The following ABCC11 variants were observed in gnomAD, a reference collection of about 807,000 sequenced individuals.
ABCC11 encodes ATP-binding cassette sub-family C member 11.
Under a neutral mutation model 149.3 loss-of-function variants are expected in ABCC11, and 135 were observed. The ratio of observed to expected loss-of-function variants is 0.90; its 90% CI spans 0.79 to 1.04. The LOEUF (loss-of-function observed/expected upper bound fraction) is 1.04. Among genes scored for constraint, ABCC11 ranks in the 50% least tolerant of loss-of-function variants. The pLI is 0.00. For missense variants in ABCC11, 1,680 were observed against 1,722.1 expected (o/e 0.98, Z 0.43); for synonymous variants, 665 against 671.4 (o/e 0.99, Z 0.15).
At chr16:48,241,852 C>T (rs1314532444) in intron 1 of ABCC11, among the ~76,000 whole-genome samples, 1 of 152,120 alleles carries the variant, frequency 6.6e-6, no homozygotes. Context: ...ATGTAGAAAG[C>T]TGAAACTGGA....
chr16:48,181,267 CAG>C (rs368570163), intron 23 of ABCC11, among the ~76,000 whole-genome samples: 7 of 150,760 alleles, frequency 4.6e-5, no homozygotes, highest in African/African-American at 4.9e-5. Context: ...GTATGTGTAT[CAG>C]AGAGAGAGAG....
intron 12 of ABCC11, among the ~76,000 whole-genome samples, chr16:48,205,833 C>T (rs1489271791): frequency 7.1e-6 from 1 of 140,122 alleles, no homozygotes; most frequent in Non-Finnish European, 1.5e-5. Context: ...TTTTTTGAGA[C>T]GGAGTCTCGC....
intron 17 of ABCC11, among the ~76,000 whole-genome samples, chr16:48,196,610 G>A (rs770313291): frequency 2.6e-5 from 4 of 152,186 alleles, no homozygotes; most frequent in Non-Finnish European, 5.9e-5. Context: ...AAAACCACCT[G>A]GGACCAGAAA....
chr16:48,246,278 A>G (rs1283106740), intron 1 of ABCC11, among the ~76,000 whole-genome samples: 1 of 152,206 alleles, frequency 6.6e-6, no homozygotes, highest in African/African-American at 2.4e-5. Context: ...AATTGGTCAC[A>G]TTCCAAGTTT....
chr16:48,220,939 A>T (rs1969694321), intron 6 of ABCC11, among the ~76,000 whole-genome samples: 1 of 152,212 alleles, frequency 6.6e-6, no homozygotes, highest in Non-Finnish European at 1.5e-5. Flanking sequence ...GTGCAAAAAG[A>T]ACTGCAAATG....
At chr16:48,228,449 C>T (rs546162550) in intron 3 of ABCC11, among the ~76,000 whole-genome samples, 19 of 152,072 alleles carry the variant, frequency 1.2e-4, no homozygotes, top group African/African-American at 4.6e-4. Context: ...CAAAAATTAG[C>T]TTGGTGTGGT....
At chr16:48,167,715 G>C in intron 28 of ABCC11, 55 bp from the exon 29 acceptor site, 1 of 1,584,604 alleles carries the variant, frequency 6.3e-7, no homozygotes. Context: ...AGAGACCTGG[G>C]TCTAGCCCTG....
chr16:48,244,023 T>TAAATAAA (rs1971172851), intron 1 of ABCC11, among the ~76,000 whole-genome samples: 1 of 131,944 alleles, frequency 7.6e-6, no homozygotes, highest in African/African-American at 3.1e-5. Context: ...AAATAAATAA[T>TAAATAAA]TAGTTCGAAT....
At chr16:48,193,730 C>T (rs1485494114) in intron 19 of ABCC11, 149 bp downstream of exon 19, 1 of 616,302 alleles carries the variant, frequency 1.6e-6, no homozygotes, top group Non-Finnish European at 2.7e-6. Context: ...AGAGTCCTGG[C>T]TCCCCACGGT....
At chr16:48,230,254 T>G (rs1160671977) in intron 3 of ABCC11, among the ~76,000 whole-genome samples, 183 bp downstream of exon 3, 1 of 152,218 alleles carries the variant, frequency 6.6e-6, no homozygotes, top group Admixed American at 6.5e-5. Context: ...CCTTTCTGTA[T>G]GAATAAATAA....
At chr16:48,231,522 G>A (rs1165684343) in intron 2 of ABCC11, among the ~76,000 whole-genome samples, 1 of 151,908 alleles carries the variant, frequency 6.6e-6, no homozygotes, top group Middle Eastern at 3.2e-3. Flanking sequence ...AATTAGCTGG[G>A]CGTAGTGGTA....
At chr16:48,181,642 G>A (rs1055792924) in intron 23 of ABCC11, among the ~76,000 whole-genome samples, 3 of 148,406 alleles carry the variant, frequency 2.0e-5, no homozygotes, top group Non-Finnish European at 4.4e-5. Flanking sequence ...ATGGAGTCTC[G>A]CTCTGTCACC....
At chr16:48,174,965 T>C (rs1376943389) in intron 26 of ABCC11, among the ~76,000 whole-genome samples, 1 of 152,186 alleles carries the variant, frequency 6.6e-6, no homozygotes, top group Admixed American at 6.5e-5. Flanking sequence ...GCCTCCCAAA[T>C]AGCTCGGACT....
At chr16:48,231,750 C>T (rs914589287) in intron 2 of ABCC11, 73 bp downstream of exon 2, 42 of 1,540,204 alleles carry the variant, frequency 2.7e-5, no homozygotes, top group African/African-American at 1.7e-4. Flanking sequence ...AATTGTTTGA[C>T]GTAATTTATG....
At chr16:48,193,708 CA>C (rs1967124085) in intron 19 of ABCC11, among the ~76,000 whole-genome samples, 170 bp downstream of exon 19, 1 of 152,208 alleles carries the variant, frequency 6.6e-6, no homozygotes, top group South Asian at 2.1e-4. Flanking sequence ...AGGCCTGTGC[CA>C]GGGGAACCCC....
At chr16:48,209,166 A>T (rs1406632500) in intron 11 of ABCC11, among the ~76,000 whole-genome samples, 1 of 152,152 alleles carries the variant, frequency 6.6e-6, no homozygotes, top group Non-Finnish European at 1.5e-5. Flanking sequence ...GCTGCCCAAG[A>T]GCTGTGAGAA....
chr16:48,213,798 GC>G (rs1001197270), intron 9 of ABCC11, among the ~76,000 whole-genome samples: 6 of 152,188 alleles, frequency 3.9e-5, no homozygotes, highest in Admixed American at 1.3e-4. Flanking sequence ...TGGGCAGGTT[GC>G]CCCTACCACA....
At chr16:48,171,056 T>C in intron 26 of ABCC11, 89 bp from the exon 27 acceptor site, 1 of 1,163,242 alleles carries the variant, frequency 8.6e-7, no homozygotes, top group Non-Finnish European at 1.3e-6. Flanking sequence ...CAAGAATGTT[T>C]AGAACTGGAT....
chr16:48,207,185 G>A (rs928534280), intron 12 of ABCC11, among the ~76,000 whole-genome samples: 2 of 152,162 alleles, frequency 1.3e-5, no homozygotes, highest in Non-Finnish European at 2.9e-5. Context: ...GACAGAAGAA[G>A]AAGGGGGAAG....
Sources: allele counts gnomAD v4.1 joint callset (sites outside exome capture counted in the v4.1 genomes callset), GRCh38; gene constraint gnomAD v4.1.1; transcripts MANE v1.5; gene names NCBI Gene and HGNC (gene_info 2026-07-23, HGNC 2026-07-21).